AOPEP: variants seen among roughly 807,000 people sequenced by gnomAD.
AOPEP encodes aminopeptidase O.
In AOPEP, 77 loss-of-function variants were observed where a neutral mutation model predicts 98.1. The ratio of observed to expected loss-of-function variants is 0.78; its 90% confidence interval spans 0.65 to 0.95. AOPEP has a LOEUF of 0.95. AOPEP is among the 40% of genes least tolerant of loss of function. The probability of loss-of-function intolerance (pLI) is 0.00; values close to 1 mark genes in which losing one functional copy is unlikely to be tolerated. For synonymous variants in AOPEP, 346 were observed against 365.3 expected, an observed-to-expected ratio of 0.95 and a Z score of 0.60; for missense variants, 1,024 against 1,024.7, an observed-to-expected ratio of 1.00 and a Z score of 0.01.
At chr9:95,133,821 C>A in the AOPEP span, among the ~76,000 whole-genome samples, 3 of 152,104 alleles carry the variant, frequency 2.0e-5, no homozygotes, top group Admixed American at 1.3e-4. Flanking sequence ...ATTTAGCAGA[C>A]AATAAAGGTA....
intron 3 of AOPEP, among the ~76,000 whole-genome samples, chr9:94,787,508 A>T (rs924722346): frequency 1.3e-5 from 2 of 152,252 alleles, no homozygotes; most frequent in African/African-American, 4.8e-5. Context: ...ACAGGCAGCA[A>T]GAAAATCAGG....
At chr9:94,796,603 A>G (rs887421478) in intron 4 of AOPEP, among the ~76,000 whole-genome samples, 1 of 152,190 alleles carries the variant, frequency 6.6e-6, no homozygotes, top group Non-Finnish European at 1.5e-5. Context: ...ACAGGTTTTC[A>G]TTTGCCTAAA....
chr9:94,773,045 C>G lies in AOPEP; in HGVS notation c.841C>G (p.Leu281Val). ...TVGSPINNRA[L>V]FPCQEPPVAM... is the part of the protein sequence containing the mutation. ...GGGATCTCCCATAAACAACAGGGCC[C>G]TTTTTCCATGCCAGGAGCCACCCGT... The change falls in exon 3 of 17, where the codon CTT becomes GTT. Residue 281 changes from leucine to valine, a missense_variant. Leu to Val is a conservative substitution (Grantham distance 32). Coordinates refer to ENST00000375315, the MANE Select transcript of AOPEP (RefSeq NM_001193329.3). The G allele has an allele frequency of 6.2e-7, 1 of 1,614,080 alleles. No homozygotes were observed. The highest frequency in any genetic ancestry group is 8.5e-7 in the Non-Finnish European group (1 of 1,179,962).
intron 11 of AOPEP, among the ~76,000 whole-genome samples, chr9:94,989,565 C>A (rs2060754674): frequency 6.7e-6 from 1 of 148,864 alleles, no homozygotes; most frequent in South Asian, 2.1e-4. Context: ...ACAACCTAAA[C>A]CCTTAGAATC....
chr9:95,103,516 G>T, the AOPEP span, among the ~76,000 whole-genome samples: 12 of 152,220 alleles, frequency 7.9e-5, no homozygotes, highest in African/African-American at 2.9e-4. Context: ...GGAGCCCCAG[G>T]GGTGGACTCC....
At chr9:94,801,864 A>T (rs1848282184) in intron 5 of AOPEP, among the ~76,000 whole-genome samples, 1 of 152,236 alleles carries the variant, frequency 6.6e-6, no homozygotes, top group Admixed American at 6.5e-5. Flanking sequence ...CTGCCAATTA[A>T]TTCCCATGCT....
chr9:95,020,613 T>TA lies in AOPEP; in HGVS notation c.2115+15010dup, dbSNP rs869184200. 2.2e-3 allele frequency among the ~76,000 whole-genome samples: 309 copies of TA among 141,382 alleles called. 3 individuals carry two copies. The highest frequency in any genetic ancestry group is 6.0e-3 in the African/African-American group (231 of 38,472). The allele number at this position is 141,382 out of a possible 152,430, so 92.8% of individuals were successfully genotyped here. A position where few individuals can be genotyped will look rare whatever the true frequency, so the allele number is the denominator to read the frequency against. On this transcript the variant is annotated intron_variant, in intron 13 of 16. Transcript: ENST00000375315. The stretch of plus-strand genomic sequence containing the variant: ...CCAACTGTGACATGACAGTATTATT[T>TA]AAAAAAAAAAAAAGAAATATAGGGC...
chr9:94,769,431 A>G (rs929916117), intron 2 of AOPEP, among the ~76,000 whole-genome samples: 1 of 152,228 alleles, frequency 6.6e-6, no homozygotes, highest in Non-Finnish European at 1.5e-5. Context: ...AAAAAGGCCA[A>G]GAAAAGAATA....
chr9:95,099,934 G>T, the AOPEP span: 1 of 232,696 alleles, frequency 4.3e-6, no homozygotes, highest in Non-Finnish European at 8.5e-6. Context: ...CTGTACACAG[G>T]ACCACAGGAC....
At chr9:94,926,483 T>G (rs577200708) in intron 6 of AOPEP, among the ~76,000 whole-genome samples, 1 of 152,356 alleles carries the variant, frequency 6.6e-6, no homozygotes, top group African/African-American at 2.4e-5. Context: ...TGAATATCCC[T>G]GAGGCAAAAT....
Position 94,928,457 on chromosome 9 carries a change from G to A in AOPEP, c.1587G>A (p.Glu529=). ...LAPYEAREQQ[E]LRACLRWRRL... ...CCTATGAGGCCCGGGAGCAGCAGGAGCTGAGGGCTTGTCTGCGCTGGCGTC... is the reference window on the plus strand; with the variant it reads ...CCTATGAGGCCCGGGAGCAGCAGGAACTGAGGGCTTGTCTGCGCTGGCGTC... The change falls in exon 7 of 17, where the codon GAG becomes GAA. Residue 529 remains glutamate, a synonymous_variant. Coordinates refer to ENST00000375315, the MANE Select transcript of AOPEP (RefSeq NM_001193329.3). The A allele has an allele frequency of 6.5e-7, 1 of 1,549,820 alleles. No homozygotes were observed. Among genetic ancestry groups the A allele is most frequent in the Non-Finnish European group, 8.7e-7 (1 of 1,146,992 alleles).
chr9:95,076,634 T>C (rs552205385), intron 14 of AOPEP, among the ~76,000 whole-genome samples: 2 of 152,324 alleles, frequency 1.3e-5, no homozygotes, highest in South Asian at 4.1e-4. Context: ...ATGCAATCCA[T>C]GAAGTTATCT....
chr9:95,117,431 A>G, the AOPEP span: 1 of 1,556,706 alleles, frequency 6.4e-7, no homozygotes, highest in Non-Finnish European at 8.8e-7. Flanking sequence ...GAACATTAAG[A>G]TTGAAACGGG....
intron 1 of AOPEP, among the ~76,000 whole-genome samples, chr9:94,746,939 T>G (rs528549971): frequency 6.6e-5 from 10 of 152,172 alleles, no homozygotes; most frequent in Non-Finnish European, 1.5e-4. Flanking sequence ...TTGCTTTTTT[T>G]GTTCAGGAAA....
chr9:95,004,491 C>T (rs1025722044), intron 11 of AOPEP, among the ~76,000 whole-genome samples: 2 of 152,090 alleles, frequency 1.3e-5, no homozygotes, highest in Admixed American at 1.3e-4. Flanking sequence ...CACTGGGAAA[C>T]GTCTACTCGA....
chr9:95,099,231 C>T, the AOPEP span: 1 of 218,460 alleles, frequency 4.6e-6, no homozygotes, highest in Non-Finnish European at 9.2e-6. Context: ...GTTTTACCAG[C>T]ATGCTTTATC....
intron 1 of AOPEP, among the ~76,000 whole-genome samples, chr9:94,729,461 T>G (rs1324064150): frequency 6.6e-6 from 1 of 151,882 alleles, no homozygotes; most frequent in African/African-American, 2.4e-5. Context: ...TCTCAGGTAC[T>G]TGGGGGAGGC....
chr9:95,005,053 G>A (rs2061876399), intron 11 of AOPEP, 105 bp from the exon 12 acceptor site: 4 of 437,568 alleles, frequency 9.1e-6, no homozygotes, highest in South Asian at 9.4e-5. Context: ...CGTCCTCCCC[G>A]GCCGCGGGCG....
chr9:95,126,448 C>T, the AOPEP span: 73,505 of 1,328,902 alleles, frequency 0.055, 2,540 homozygotes, highest in South Asian at 0.087. Flanking sequence ...CAGCCAGAGA[C>T]TACCACAACA....
Sources: allele counts gnomAD v4.1 joint callset (sites outside exome capture counted in the v4.1 genomes callset), GRCh38; gene constraint gnomAD v4.1.1; transcripts MANE v1.5; gene names NCBI Gene and HGNC (gene_info 2026-07-23, HGNC 2026-07-21).